DEUP1: variants seen among roughly 807,000 people sequenced by gnomAD.
DEUP1 encodes the protein deuterosome assembly protein 1.
In DEUP1, 82 loss-of-function variants were observed where a neutral mutation model predicts 87.4. The ratio of observed to expected loss-of-function variants is 0.94; its 90% CI spans 0.78 to 1.13. DEUP1 has a LOEUF of 1.13. Ranked by LOEUF, DEUP1 falls within the 50% of genes most tolerant of loss-of-function variation. DEUP1 has a pLI of 0.00. For missense variants in DEUP1, 663 were observed against 681.5 expected, an observed-to-expected ratio of 0.97 and a Z score of 0.30; for synonymous variants, 214 against 222.7, an observed-to-expected ratio of 0.96 and a Z score of 0.35.
At chr11:93,378,310 C>G (rs1946137002) in intron 7 of DEUP1, among the ~76,000 whole-genome samples, 1 of 151,890 alleles carries the variant, frequency 6.6e-6, no homozygotes, top group Non-Finnish European at 1.5e-5. Context: ...TTTTTAAATT[C>G]TTTTTTGTCT....
intron 2 of DEUP1, among the ~76,000 whole-genome samples, chr11:93,340,835 G>A (rs976716680): frequency 2.6e-5 from 4 of 152,212 alleles, no homozygotes; most frequent in African/African-American, 9.6e-5. Context: ...GAAGACTGGA[G>A]AAAATGCAAG....
At position 93,394,483 on chromosome 11, in the gene DEUP1, G is replaced by T; in HGVS notation, c.1066G>T (p.Glu356Ter). The stretch of plus-strand genomic sequence containing the variant: ...GATAAGAAGCCAACTCCAACAGGTG[G>T]AAGAGTACCATAACTCTGAGCAGGA... ...NKIRSQLQQV[E>*]EYHNSEQERM... Residue 356 changes from glutamate to a stop codon, truncating the protein, a stop_gained, in exon 10 of 14, where the codon GAA (glutamate) becomes TAA (stop). Transcript: ENST00000298050. LOFTEE classifies it high-confidence loss of function. The T allele has an allele frequency of 1.3e-6, 2 of 1,589,728 alleles. No homozygotes were observed. The highest frequency in any genetic ancestry group is 2.3e-5 in the South Asian group (2 of 85,332).
chr11:93,385,365 A>G (rs964050394), intron 7 of DEUP1, 33 bp from the exon 8 acceptor site: 3 of 1,608,106 alleles, frequency 1.9e-6, no homozygotes. Context: ...ATAACCAACA[A>G]TGAGCATGAA....
intron 13 of DEUP1, among the ~76,000 whole-genome samples, chr11:93,415,958 C>T (rs914651991): frequency 6.6e-6 from 1 of 151,970 alleles, no homozygotes. Context: ...CCAAAAAATT[C>T]TTTTATGAGT....
chr11:93,392,014 A>T (rs1021856968), intron 9 of DEUP1, among the ~76,000 whole-genome samples: 2 of 152,160 alleles, frequency 1.3e-5, no homozygotes, highest in Admixed American at 6.5e-5. Context: ...GTCATATCCA[A>T]CTCTGAAACT....
rs556025626 is a variant in DEUP1 at position 93,396,350 on chromosome 11, A to T, written c.1326+25A>T. ...GGTAATATGCTGACATCATTCAATA[A>T]ATTGAACAAAGAGATTACTGAATTG... On this transcript the variant is annotated intron_variant, in intron 11 of 13. Transcript: ENST00000298050. 1.1e-5 allele frequency: 15 copies of T among 1,369,098 alleles called. No homozygotes were observed. In the East Asian group the frequency reaches 3.2e-4, roughly 29 times the overall value. 84.8% of individuals were successfully genotyped at this position (1,369,098 alleles called of 1,614,324 possible).
chr11:93,402,854 C>T (rs1417171054), intron 11 of DEUP1, among the ~76,000 whole-genome samples: 1 of 151,470 alleles, frequency 6.6e-6, no homozygotes, highest in Non-Finnish European at 1.5e-5. Flanking sequence ...TTGGTGGTTA[C>T]CAGAGGCTAA....
At chr11:93,374,752 C>G (rs1232345400) in intron 7 of DEUP1, among the ~76,000 whole-genome samples, 1 of 152,062 alleles carries the variant, frequency 6.6e-6, no homozygotes, top group Non-Finnish European at 1.5e-5. Flanking sequence ...CATGCTTTAG[C>G]TATGCAGGCT....
intron 9 of DEUP1, among the ~76,000 whole-genome samples, chr11:93,389,814 A>C (rs1308162656): frequency 6.6e-6 from 1 of 152,224 alleles, no homozygotes; most frequent in East Asian, 1.9e-4. Flanking sequence ...TAAAGTGCTT[A>C]AAATAGGATC....
chr11:93,402,259 C>T (rs1056013041), intron 11 of DEUP1, among the ~76,000 whole-genome samples: 5 of 151,944 alleles, frequency 3.3e-5, no homozygotes, highest in South Asian at 2.1e-4. Flanking sequence ...AAAAAAAATT[C>T]AGTATCACTA....
chr11:93,398,892 T>G (rs1170182038), intron 11 of DEUP1, among the ~76,000 whole-genome samples: 1 of 151,876 alleles, frequency 6.6e-6, no homozygotes, highest in Non-Finnish European at 1.5e-5. Context: ...AGCTAATTTT[T>G]ATATATTTTT....
At chr11:93,347,127 C>T (rs917502140) in intron 2 of DEUP1, among the ~76,000 whole-genome samples, 2 of 152,140 alleles carry the variant, frequency 1.3e-5, no homozygotes, top group African/African-American at 4.8e-5. Context: ...TGTCTGTTTT[C>T]AAGGGGAATG....
rs1555068651 is a variant in DEUP1 at position 93,437,750 on chromosome 11, C to CG, written c.*31_*32insG. 1.5e-5 allele frequency: 16 copies of CG among 1,044,802 alleles called. No individual in the cohort carries two copies. Among genetic ancestry groups the CG allele is most frequent in the African/African-American group, 5.9e-5 (3 of 50,432 alleles). The allele number at this position is 1,044,802 out of a possible 1,614,324, so 64.7% of individuals were successfully genotyped here. A position where few individuals can be genotyped will look rare whatever the true frequency, so the allele number is the denominator to read the frequency against. On this transcript the variant is annotated 3_prime_UTR_variant, in exon 14 of 14. Coordinates refer to ENST00000298050, the MANE Select transcript of DEUP1 (RefSeq NM_181645.4). ...TAAACTTTTTTATTTGCTTCCCCCC[C>CG]CCACCCCCGCCAAGAAAAAAAGCTC...
chr11:93,401,488 G>C (rs1250672405), intron 11 of DEUP1, among the ~76,000 whole-genome samples: 1 of 151,852 alleles, frequency 6.6e-6, no homozygotes, highest in East Asian at 1.9e-4. Context: ...AATAGCCAAA[G>C]AAATCCTAAG....
intron 1 of DEUP1, among the ~76,000 whole-genome samples, chr11:93,331,241 A>C (rs547034459): frequency 6.6e-6 from 1 of 151,688 alleles, no homozygotes; most frequent in Middle Eastern, 3.4e-3. Flanking sequence ...TCCTCTTTCT[A>C]CCTCCTTGAA....
At chr11:93,364,825 A>C (rs553190002) in intron 5 of DEUP1, among the ~76,000 whole-genome samples, 4 of 152,042 alleles carry the variant, frequency 2.6e-5, no homozygotes, top group Non-Finnish European at 5.9e-5. Flanking sequence ...ATATATATCT[A>C]CTATGTACCC....
chr11:93,382,187 T>G (rs11020295), intron 7 of DEUP1, among the ~76,000 whole-genome samples: 1,867 of 152,302 alleles, frequency 0.012, 20 homozygotes, highest in East Asian at 0.058. Flanking sequence ...CATACTAATT[T>G]TAAAACTACA....
Position 93,371,156 on chromosome 11 carries a change from G to C in DEUP1, c.665G>C (p.Arg222Thr). 6.2e-7 allele frequency: 1 copy of C among 1,613,268 alleles called. No individual in the cohort carries two copies. Among genetic ancestry groups the C allele is most frequent in the South Asian group, 1.1e-5 (1 of 90,952 alleles). Reference sequence around the variant, plus strand: ...GATCCCAATTGTGAAATCAATGAAAGAGATGAGTTCATTATTGAAAAACTG... The same window carrying C: ...GATCCCAATTGTGAAATCAATGAAACAGATGAGTTCATTATTGAAAAACTG... ...DPDPNCEINE[R>T]DEFIIEKLKS... is the part of the protein sequence containing the mutation. Residue 222 changes from arginine to threonine, a missense_variant, in exon 7 of 14, where the codon AGA becomes ACA. Coordinates refer to ENST00000298050, the MANE Select transcript of DEUP1 (RefSeq NM_181645.4).
intron 4 of DEUP1, 97 bp from the exon 5 acceptor site, chr11:93,364,063 C>T (rs1432175877): frequency 1.1e-5 from 10 of 908,992 alleles, no homozygotes; most frequent in Admixed American, 2.9e-5. Context: ...CTAATCATGA[C>T]AAATTTTCAA....
Sources: allele counts gnomAD v4.1 joint callset (sites outside exome capture counted in the v4.1 genomes callset), GRCh38; gene constraint gnomAD v4.1.1; transcripts MANE v1.5; gene names NCBI Gene and HGNC (gene_info 2026-07-23, HGNC 2026-07-21).